The following KCNMA1 variants were observed in gnomAD, a reference collection of about 807,000 sequenced individuals.
KCNMA1 encodes Calcium-activated potassium channel subunit alpha-1.
Under a neutral mutation model 140.0 loss-of-function variants are expected in KCNMA1, and 29 were observed. The observed-to-expected ratio is 0.21, with a 90% CI of 0.15 to 0.28. The LOEUF is 0.28. KCNMA1 is among the 10% of genes least tolerant of loss of function. The probability of loss-of-function intolerance (pLI) is 1.00; values close to 1 mark genes in which losing one functional copy is unlikely to be tolerated. For missense variants in KCNMA1, 880 were observed against 1,602.2 expected, an observed-to-expected ratio of 0.55 and a Z score of 7.70; for synonymous variants, 612 against 611.9, an observed-to-expected ratio of 1.00 and a Z score of 0.00.
At chr10:77,326,298 A>T (rs1445345945) in intron 2 of KCNMA1, among the ~76,000 whole-genome samples, 4 of 152,154 alleles carry the variant, frequency 2.6e-5, no homozygotes, top group African/African-American at 9.7e-5. Context: ...TGAAGCCTCT[A>T]CACTGTTTTG....
intron 3 of KCNMA1, among the ~76,000 whole-genome samples, chr10:77,218,215 T>C (rs1177886044): frequency 6.6e-6 from 1 of 152,106 alleles, no homozygotes; most frequent in Non-Finnish European, 1.5e-5. Flanking sequence ...CATGGCCTCC[T>C]TGCAAATTAC....
At chr10:76,930,294 C>T (rs551959695) in intron 23 of KCNMA1, 2 of 152,174 alleles carry the variant, frequency 1.3e-5, no homozygotes, top group Non-Finnish European at 2.9e-5. Flanking sequence ...AAATAAATAA[C>T]CTGATTAAGA....
rs965029028 is a variant in KCNMA1 at position 77,017,163 on chromosome 10, A to G, written c.2015+1850T>C. Among the ~76,000 whole-genome samples the G allele has an allele frequency of 2.2e-4, 33 of 152,184 alleles. 1 individual carries two copies. The highest frequency in any genetic ancestry group is 2.9e-5 in the Non-Finnish European group (2 of 68,042). ...TAATTTGTTTTTTGGACGGCCTGATATTTGTGACATTCATTAGTGAGAGAT... is the reference window on the plus strand; with the variant it reads ...TAATTTGTTTTTTGGACGGCCTGATGTTTGTGACATTCATTAGTGAGAGAT... On this transcript the variant is annotated intron_variant, in intron 17 of 27. Coordinates refer to ENST00000286628, the MANE Select transcript of KCNMA1 (RefSeq NM_001161352.2).
intron 3 of KCNMA1, among the ~76,000 whole-genome samples, chr10:77,207,439 G>C (rs987810154): frequency 3.4e-4 from 52 of 152,170 alleles, no homozygotes; most frequent in African/African-American, 1.3e-3. Flanking sequence ...AGCAAATAAA[G>C]AAAATCGTAG....
Position 77,039,560 on chromosome 10 carries a change from G to T in KCNMA1, c.1827C>A (p.Ala609=), listed in dbSNP as rs1391592797. The change falls in exon 15 of 28, where the codon GCC becomes GCA. Residue 609 remains alanine (A), a synonymous_variant. Coordinates refer to ENST00000286628, the MANE Select transcript of KCNMA1 (RefSeq NM_001161352.2). ...CAGTAGGGAAGGACAGACCCACGAA[G>T]GCACTGGAGAGATATTCTGTGTACA... The part of the protein sequence containing the change: ...NEMYTEYLSS[A]FVGLSFPTVC... 6.2e-7 allele frequency: 1 copy of T among 1,610,802 alleles called. No homozygotes were observed. Among genetic ancestry groups the T allele is most frequent in the Admixed American group, 1.7e-5 (1 of 59,984 alleles).
intron 1 of KCNMA1, among the ~76,000 whole-genome samples, chr10:77,623,438 G>A (rs1176860831): frequency 6.6e-6 from 1 of 152,034 alleles, no homozygotes; most frequent in Non-Finnish European, 1.5e-5. Flanking sequence ...GCTCACACCT[G>A]TAATCCCAGC....
chr10:76,986,075 A>G (rs1565375173), intron 19 of KCNMA1, among the ~76,000 whole-genome samples: 1 of 152,176 alleles, frequency 6.6e-6, no homozygotes, highest in Non-Finnish European at 1.5e-5. Flanking sequence ...AAGCAAAACT[A>G]CCATGCTGAT....
rs368179190 is a variant in KCNMA1 at position 77,001,589 on chromosome 10, G to A, written c.2093-9C>T. 125 of 1,548,238 alleles carry A rather than the reference G, an allele frequency of 8.1e-5. No homozygotes were observed. The highest frequency in any genetic ancestry group is 1.0e-4 in the Non-Finnish European group (115 of 1,143,980). Reference sequence around the variant, plus strand: ...GTAGATGGACATCTTGGCTATAACCGTGTGGTTGGATGGGAGGAGAGGAAG... The same window carrying A: ...GTAGATGGACATCTTGGCTATAACCATGTGGTTGGATGGGAGGAGAGGAAG... On this transcript the variant is annotated splice_polypyrimidine_tract_variant and intron_variant, in intron 18 of 27. Transcript: ENST00000286628.
chr10:77,503,141 T>C (rs2044529984), intron 1 of KCNMA1, among the ~76,000 whole-genome samples: 1 of 152,140 alleles, frequency 6.6e-6, no homozygotes, highest in East Asian at 1.9e-4. Context: ...CAAAGAAAGG[T>C]AAACAGGTAA....
At chr10:77,179,317 G>A (rs1033624656) in intron 5 of KCNMA1, among the ~76,000 whole-genome samples, 8 of 152,124 alleles carry the variant, frequency 5.3e-5, no homozygotes, top group African/African-American at 1.9e-4. Flanking sequence ...AATATCCGGG[G>A]TGTTCTTAAG....
At chr10:77,028,790 G>A (rs1241778269) in intron 15 of KCNMA1, among the ~76,000 whole-genome samples, 1 of 152,176 alleles carries the variant, frequency 6.6e-6, no homozygotes, top group Non-Finnish European at 1.5e-5. Flanking sequence ...ATAGTGCATA[G>A]TGAATAGACC....
intron 1 of KCNMA1, among the ~76,000 whole-genome samples, chr10:77,425,909 G>C (rs1353422344): frequency 6.6e-6 from 1 of 152,152 alleles, no homozygotes; most frequent in African/African-American, 2.4e-5. Flanking sequence ...CTTGGTTTCT[G>C]AGGCTGAGAG....
intron 1 of KCNMA1, among the ~76,000 whole-genome samples, chr10:77,631,305 C>T (rs2093179067): frequency 6.6e-6 from 1 of 152,152 alleles, no homozygotes; most frequent in Non-Finnish European, 1.5e-5. Context: ...ACCCAAGAAG[C>T]AGTTCTAAAA....
chr10:76,889,889 C>A (rs2039130586), intron 26 of KCNMA1: 1 of 403,128 alleles, frequency 2.5e-6, no homozygotes, highest in African/African-American at 2.1e-5. Context: ...GCTTGATGGT[C>A]TCAGATGTAT....
chr10:77,063,704 G>T (rs1450341183), intron 14 of KCNMA1: 8 of 980,552 alleles, frequency 8.2e-6, no homozygotes, highest in Non-Finnish European at 9.7e-6. Flanking sequence ...ATTCCTTATG[G>T]CTTACATAGG....
intron 20 of KCNMA1, among the ~76,000 whole-genome samples, chr10:76,967,820 C>G (rs2074530486): frequency 6.6e-6 from 1 of 152,122 alleles, no homozygotes; most frequent in African/African-American, 2.4e-5. Flanking sequence ...ACCACCTGAC[C>G]CACGTTTAGC....
chr10:77,025,842 T>C (rs188569601), intron 16 of KCNMA1, among the ~76,000 whole-genome samples: 5 of 152,282 alleles, frequency 3.3e-5, no homozygotes, highest in Admixed American at 6.5e-5. Flanking sequence ...CTCAGAGGCA[T>C]GATCCACATT....
chr10:77,113,310 G>A (rs994664631), intron 6 of KCNMA1, among the ~76,000 whole-genome samples: 4 of 152,102 alleles, frequency 2.6e-5, no homozygotes, highest in East Asian at 1.9e-4. Flanking sequence ...ACAGGCAGCC[G>A]GCATGGGCTA....
At chr10:76,986,650 G>A (rs2081340590) in intron 19 of KCNMA1, among the ~76,000 whole-genome samples, 1 of 152,230 alleles carries the variant, frequency 6.6e-6, no homozygotes, top group East Asian at 1.9e-4. Context: ...TTAGTCCAGT[G>A]AGATAAGGTC....
Sources: allele counts gnomAD v4.1 joint callset (sites outside exome capture counted in the v4.1 genomes callset), GRCh38; gene constraint gnomAD v4.1.1; transcripts MANE v1.5; gene names NCBI Gene and HGNC (gene_info 2026-07-23, HGNC 2026-07-21).